The following LDLRAD3 variants were observed in gnomAD, a reference collection of about 807,000 sequenced individuals.
LDLRAD3 encodes the protein low-density lipoprotein receptor class A domain-containing protein 3.
Under a neutral mutation model 29.4 loss-of-function variants are expected in LDLRAD3, and 20 were observed. The observed-to-expected ratio is 0.68, with a 90% confidence interval of 0.48 to 0.99. The LOEUF is 0.99. Among genes scored for constraint, LDLRAD3 ranks in the 50% least tolerant of loss-of-function variants. The pLI, the probability that LDLRAD3 is intolerant of heterozygous loss-of-function variation, is 0.00. For missense variants in LDLRAD3, 420 were observed against 454.3 expected (o/e 0.92, Z 0.69); for synonymous variants, 157 against 192.7 (o/e 0.81, Z 1.53).
intron 4 of LDLRAD3, among the ~76,000 whole-genome samples, chr11:36,187,012 A>T (rs1242166006): frequency 6.6e-6 from 1 of 152,010 alleles, no homozygotes; most frequent in East Asian, 1.9e-4. Context: ...CTGGGAGGAG[A>T]TACACCTGCT....
intron 4 of LDLRAD3, among the ~76,000 whole-genome samples, chr11:36,138,027 G>T (rs1854027128): frequency 6.6e-6 from 1 of 152,154 alleles, no homozygotes; most frequent in Non-Finnish European, 1.5e-5. Flanking sequence ...CGTAACTCAG[G>T]GGCCCTTTAA....
intron 1 of LDLRAD3, among the ~76,000 whole-genome samples, chr11:36,028,792 A>T (rs2133204055): frequency 6.6e-6 from 1 of 152,284 alleles, no homozygotes; most frequent in Non-Finnish European, 1.5e-5. Flanking sequence ...AGGTACCTTA[A>T]TTTGGCTTCT....
At chr11:36,135,250 G>T (rs1853987334) in intron 4 of LDLRAD3, among the ~76,000 whole-genome samples, 1 of 152,222 alleles carries the variant, frequency 6.6e-6, no homozygotes, top group African/African-American at 2.4e-5. Context: ...GAAGTCCAGG[G>T]AAATGTCTGG....
rs55792933 is a variant in LDLRAD3, at chr11:36,146,773, C to CTTTAT, written c.454+48334_454+48338dup. On this transcript the variant is annotated intron_variant, in intron 4 of 5. Transcript: ENST00000315571. ...TCTCTGTGTCCCAAATTTCCCTCTA[C>CTTTAT]TTTATTTTATTTTATTTTATTTTAT... is the stretch of plus-strand genomic sequence containing the variant. 1.3e-3 allele frequency among the ~76,000 whole-genome samples: 190 copies of CTTTAT among 143,826 alleles called. 1 individual carries two copies. The highest frequency in any genetic ancestry group is 4.1e-3 in the South Asian group (18 of 4,386). The allele number at this position is 143,826 out of a possible 152,430, so 94.4% of individuals were successfully genotyped here. A position where few individuals can be genotyped will look rare whatever the true frequency, so the allele number is the denominator to read the frequency against.
intron 1 of LDLRAD3, among the ~76,000 whole-genome samples, chr11:36,033,652 A>C (rs1294144821): frequency 6.6e-6 from 1 of 152,146 alleles, no homozygotes; most frequent in African/African-American, 2.4e-5. Flanking sequence ...GCAGTTCTCT[A>C]ACAACAGAGC....
At chr11:36,088,683 G>A (rs1213746211) in intron 3 of LDLRAD3, among the ~76,000 whole-genome samples, 1 of 152,118 alleles carries the variant, frequency 6.6e-6, no homozygotes, top group Non-Finnish European at 1.5e-5. Context: ...TTTATTGGGT[G>A]GACTAGCCGA....
rs1434943247 is a variant in LDLRAD3, at chr11:36,104,963, T to C, written c.454+6502T>C. ...CTCTTTGTACTCCAAAAGTTTTCCT[T>C]TCCATGAAAAAGAATAATGTGCCTG... On this transcript the variant is annotated intron_variant, in intron 4 of 5. Transcript: ENST00000315571. Among the ~76,000 whole-genome samples, 4 of 152,202 alleles carry C rather than the reference T, an allele frequency of 2.6e-5. No homozygotes were observed. The South Asian group carries it at 8.3e-4, about 31-fold the overall frequency.
chr11:35,946,450 C>T (rs1851058109), intron 1 of LDLRAD3, among the ~76,000 whole-genome samples: 3 of 152,194 alleles, frequency 2.0e-5, no homozygotes, highest in Non-Finnish European at 4.4e-5. Context: ...TTCTCAGACA[C>T]CTTGCATATT....
At chr11:36,017,244 A>G (rs115844437) in intron 1 of LDLRAD3, among the ~76,000 whole-genome samples, 3,169 of 152,324 alleles carry the variant, frequency 0.021, 98 homozygotes, top group African/African-American at 0.071. Flanking sequence ...GAGCAGGAGC[A>G]TTACTAGGAT....
chr11:36,081,702 C>T lies in LDLRAD3; in HGVS notation c.243C>T (p.Gly81=). Reference sequence around the variant, plus strand: ...CAACCTTCTTCCCCTGTGCCAGCGGCATCCATTGCATCATTGGTCGCTTCC... The same window carrying T: ...CAACCTTCTTCCCCTGTGCCAGCGGTATCCATTGCATCATTGGTCGCTTCC... ...CGPTFFPCAS[G]IHCIIGRFRC... is the part of the protein sequence containing the mutation. Residue 81 remains glycine, a synonymous_variant, in exon 3 of 6, where the codon GGC becomes GGT. Transcript: ENST00000315571. 6.2e-7 allele frequency: 1 copy of T among 1,614,226 alleles called. No homozygotes were observed. The highest frequency in any genetic ancestry group is 8.5e-7 in the Non-Finnish European group (1 of 1,180,030).
chr11:36,081,601 A>G (rs1247272086), intron 2 of LDLRAD3, 52 bp from the exon 3 acceptor site: 8 of 1,611,954 alleles, frequency 5.0e-6, no homozygotes, highest in Non-Finnish European at 6.8e-6. Flanking sequence ...ATGAGTATGC[A>G]GTCATCTGAG....
At chr11:36,013,416 C>G (rs1227193929) in intron 1 of LDLRAD3, among the ~76,000 whole-genome samples, 1 of 152,114 alleles carries the variant, frequency 6.6e-6, no homozygotes, top group East Asian at 1.9e-4. Flanking sequence ...GTTTTAAGCC[C>G]TGCATACATT....
intron 4 of LDLRAD3, among the ~76,000 whole-genome samples, chr11:36,100,099 C>G (rs79644118): frequency 1.3e-5 from 2 of 151,896 alleles, no homozygotes; most frequent in Non-Finnish European, 2.9e-5. Flanking sequence ...GTTCAGGCCC[C>G]GTTCTAGATC....
chr11:36,159,625 A>AAAAAAAAAT (rs756902228), intron 4 of LDLRAD3, among the ~76,000 whole-genome samples: 2 of 132,898 alleles, frequency 1.5e-5, no homozygotes, highest in African/African-American at 2.8e-5. Flanking sequence ...AAAAAAAAAA[A>AAAAAAAAAT]AGCCAGATGT....
rs534005047 is a variant in LDLRAD3 at position 36,141,052 on chromosome 11, G to A, written c.454+42591G>A. ...TCTCTCTCTCCGTGTGGGGGTGTGC[G>A]TGTGTGTCTGTATTTTAAAAAATGG... On this transcript the variant is annotated intron_variant, in intron 4 of 5. Coordinates refer to ENST00000315571, the MANE Select transcript of LDLRAD3 (RefSeq NM_174902.4). Among the ~76,000 whole-genome samples the A allele has an allele frequency of 1.7e-3, 246 of 144,518 alleles. 1 individual carries two copies. Among genetic ancestry groups the A allele is most frequent in the Non-Finnish European group, 2.6e-3 (172 of 65,122 alleles). The allele number at this position is 144,518 out of a possible 152,430, so 94.8% of individuals were successfully genotyped here. A position where few individuals can be genotyped will look rare whatever the true frequency, so the allele number is the denominator to read the frequency against.
chr11:36,213,787 G>C lies in LDLRAD3; in HGVS notation c.455-13298G>C, dbSNP rs1855315535. Among the ~76,000 whole-genome samples, 1 of 152,144 alleles carries C rather than the reference G, an allele frequency of 6.6e-6. No individual in the cohort carries two copies. The stretch of plus-strand genomic sequence containing the variant: ...CTCCCCTCCATCGCATCACAGCTTG[G>C]AGGCTCTGTGCCCCTGTGAATCCCA... On this transcript the variant is annotated intron_variant, in intron 4 of 5. Transcript: ENST00000315571. This position sits in a 1 kb window ranked among gnomAD's most constrained non-coding sequence, Gnocchi z 4.1.
At chr11:35,991,871 G>GTT (rs1232554941) in intron 1 of LDLRAD3, among the ~76,000 whole-genome samples, 1 of 148,214 alleles carries the variant, frequency 6.7e-6, no homozygotes, top group Non-Finnish European at 1.5e-5. Flanking sequence ...GGTTGTTTGT[G>GTT]TGTGTGTGTG....
intron 4 of LDLRAD3, among the ~76,000 whole-genome samples, chr11:36,156,686 C>A (rs2133333217): frequency 6.6e-6 from 1 of 152,294 alleles, no homozygotes; most frequent in East Asian, 1.9e-4. Flanking sequence ...TTCATCATCC[C>A]CTCCCCTCCT....
intron 4 of LDLRAD3, among the ~76,000 whole-genome samples, chr11:36,194,922 T>C (rs979789310): frequency 3.9e-5 from 6 of 152,110 alleles, no homozygotes; most frequent in Non-Finnish European, 8.8e-5. Context: ...AAGGCAGTAG[T>C]CTAAAATAAT....
Sources: allele counts gnomAD v4.1 joint callset (sites outside exome capture counted in the v4.1 genomes callset), GRCh38; gene constraint gnomAD v4.1.1; non-coding constraint Gnocchi (gnomAD v3.1); transcripts MANE v1.5; gene names NCBI Gene and HGNC (gene_info 2026-07-23, HGNC 2026-07-21).